HHAT: variants seen among roughly 807,000 people sequenced by gnomAD.
The protein encoded by HHAT is protein-cysteine N-palmitoyltransferase HHAT.
Under a neutral mutation model 70.8 loss-of-function variants are expected in HHAT, and 47 were observed. The ratio of observed to expected loss-of-function variants is 0.66; its 90% CI spans 0.53 to 0.85. HHAT has a LOEUF of 0.85. Ranked by LOEUF, HHAT falls within the 40% of genes least tolerant of loss-of-function variation. HHAT has a pLI of 0.00. For missense variants in HHAT, 609 were observed against 604.8 expected, an observed-to-expected ratio of 1.01 and a Z score of -0.07; for synonymous variants, 228 against 247.6, an observed-to-expected ratio of 0.92 and a Z score of 0.74.
chr1:210,422,704 C>T lies in HHAT; in HGVS notation c.856+4379C>T, dbSNP rs187959024. Among the ~76,000 whole-genome samples the T allele has an allele frequency of 2.0e-5, 3 of 152,254 alleles. No homozygotes were observed. The East Asian group carries it at 5.8e-4, about 29-fold the overall frequency. On this transcript the variant is annotated intron_variant, in intron 7 of 11. Coordinates refer to ENST00000261458, the MANE Select transcript of HHAT (RefSeq NM_018194.6). ...CCAGGCTGGAGTGCAGTGGCATGAC[C>T]TCGGCTTACTGCAACCTCTGCCTCT...
At chr1:210,406,487 G>T (rs1442409189) in intron 6 of HHAT, among the ~76,000 whole-genome samples, 2 of 151,668 alleles carry the variant, frequency 1.3e-5, no homozygotes, top group Non-Finnish European at 2.9e-5. Flanking sequence ...TCCACCTCCT[G>T]GGTTCAAGTG....
At chr1:210,545,946 A>G (rs1336624823) in intron 9 of HHAT, among the ~76,000 whole-genome samples, 2 of 152,232 alleles carry the variant, frequency 1.3e-5, no homozygotes, top group Admixed American at 1.3e-4. Flanking sequence ...AACACTTAGC[A>G]CAACACCTGG....
chr1:210,543,350 CT>C (rs74605164), intron 9 of HHAT, among the ~76,000 whole-genome samples: 49,605 of 146,692 alleles, frequency 0.34, 8,391 homozygotes, highest in African/African-American at 0.41. Flanking sequence ...GGGTGTTTTT[CT>C]TTTTTTTTTT....
At chr1:210,646,237 C>T (rs1363513520) in intron 11 of HHAT, among the ~76,000 whole-genome samples, 2 of 152,180 alleles carry the variant, frequency 1.3e-5, no homozygotes, top group Admixed American at 6.5e-5. Flanking sequence ...CAAGAGACTT[C>T]TAAGCAGCTG....
intron 8 of HHAT, among the ~76,000 whole-genome samples, chr1:210,483,079 C>G (rs2094422122): frequency 6.6e-6 from 1 of 152,172 alleles, no homozygotes; most frequent in African/African-American, 2.4e-5. Context: ...CATGAATGCA[C>G]TTCTTGTAGA....
intron 7 of HHAT, among the ~76,000 whole-genome samples, chr1:210,452,110 ATTC>A (rs2093767895): frequency 2.0e-5 from 3 of 152,334 alleles, no homozygotes; most frequent in South Asian, 2.1e-4. Context: ...ATAGAAAGAT[ATTC>A]TTCTTCATAG....
At chr1:210,448,390 A>G (rs2093678834) in intron 7 of HHAT, among the ~76,000 whole-genome samples, 1 of 152,040 alleles carries the variant, frequency 6.6e-6, no homozygotes, top group Non-Finnish European at 1.5e-5. Context: ...CAATTAAGAG[A>G]TTCTTGAATG....
intron 10 of HHAT, among the ~76,000 whole-genome samples, chr1:210,613,550 G>A (rs529589736): frequency 6.6e-6 from 1 of 152,172 alleles, no homozygotes; most frequent in Non-Finnish European, 1.5e-5. Flanking sequence ...CAGGAAGTTT[G>A]TGTCCTGCAA....
intron 9 of HHAT, among the ~76,000 whole-genome samples, chr1:210,529,155 A>T (rs1231176326): frequency 6.6e-6 from 1 of 152,020 alleles, no homozygotes; most frequent in Non-Finnish European, 1.5e-5. Context: ...AAAAACAAAA[A>T]TTAGCCAGGT....
chr1:210,570,406 C>T (rs1039872183), intron 9 of HHAT, among the ~76,000 whole-genome samples: 1 of 152,132 alleles, frequency 6.6e-6, no homozygotes, highest in Non-Finnish European at 1.5e-5. Context: ...CTGGTGCAAG[C>T]TTTAAGAGTG....
chr1:210,400,722 TC>T, intron 5 of HHAT, 60 bp downstream of exon 5: 1 of 1,486,132 alleles, frequency 6.7e-7, no homozygotes, highest in Non-Finnish European at 9.2e-7. Flanking sequence ...TTTGCCTTGA[TC>T]CCAGTAGACA....
At chr1:210,464,835 A>G (rs1453974808) in intron 8 of HHAT, among the ~76,000 whole-genome samples, 180 bp downstream of exon 8, 2 of 152,176 alleles carry the variant, frequency 1.3e-5, no homozygotes, top group African/African-American at 2.4e-5. Context: ...GTCTCTCACA[A>G]TTATGATTAG....
intron 11 of HHAT, among the ~76,000 whole-genome samples, chr1:210,667,369 T>G (rs1223139160): frequency 6.9e-6 from 1 of 144,502 alleles, no homozygotes; most frequent in Non-Finnish European, 1.5e-5. Flanking sequence ...GCAACAAGAG[T>G]GAAACTCCGT....
At chr1:210,563,122 C>T (rs1573350920) in intron 9 of HHAT, among the ~76,000 whole-genome samples, 1 of 152,166 alleles carries the variant, frequency 6.6e-6, no homozygotes, top group South Asian at 2.1e-4. Context: ...TGAGGCCTCT[C>T]CTTGGTTTTA....
At chr1:210,482,822 G>A (rs1158855043) in intron 8 of HHAT, among the ~76,000 whole-genome samples, 1 of 152,184 alleles carries the variant, frequency 6.6e-6, no homozygotes, top group Admixed American at 6.6e-5. Flanking sequence ...GATTTAATTA[G>A]ATTCCAGGCT....
chr1:210,607,032 G>A (rs1665591040), intron 10 of HHAT, among the ~76,000 whole-genome samples: 1 of 152,104 alleles, frequency 6.6e-6, no homozygotes, highest in Admixed American at 6.6e-5. Context: ...TTTTATCCTG[G>A]GGGTGAAGAA....
At chr1:210,340,242 G>GAAAAAAAAAAAAAAAAAA (rs57007952) in intron 1 of HHAT, among the ~76,000 whole-genome samples, 2 of 99,784 alleles carry the variant, frequency 2.0e-5, no homozygotes, top group African/African-American at 3.4e-5. Flanking sequence ...CTCTGTCTCA[G>GAAAAAAAAAAAAAAAAAA]AAAAAAAAAA....
intron 9 of HHAT, among the ~76,000 whole-genome samples, chr1:210,532,016 C>A (rs959810165): frequency 6.6e-6 from 1 of 152,198 alleles, no homozygotes; most frequent in African/African-American, 2.4e-5. Context: ...AAAGAAAGAG[C>A]AGCCTGGTTT....
chr1:210,556,031 AT>A (rs1558153360), intron 9 of HHAT, among the ~76,000 whole-genome samples: 1 of 151,642 alleles, frequency 6.6e-6, no homozygotes, highest in Non-Finnish European at 1.5e-5. Context: ...TTTTAAGACA[AT>A]TTTCATTTGA....
Sources: gnomAD v4.1 joint callset for allele counts (sites outside exome capture counted in the v4.1 genomes callset) on GRCh38, gnomAD v4.1.1 for gene constraint, MANE v1.5 for transcripts, NCBI Gene and HGNC (gene_info 2026-07-23, HGNC 2026-07-21) for gene names.